SLC8A1: variants seen among roughly 807,000 people sequenced by gnomAD.
SLC8A1 encodes the protein solute carrier family 8 member A1, also known as sodium/calcium exchanger 1.
SLC8A1 carries 18 observed loss-of-function variants against 68.3 expected under a neutral mutation model. The observed-to-expected ratio is 0.26, with a 90% CI of 0.18 to 0.39. The LOEUF is 0.39. SLC8A1 is among the 10% of genes least tolerant of loss of function. The pLI is 1.00. For missense variants in SLC8A1, 985 were observed against 1,156.7 expected, an observed-to-expected ratio of 0.85 and a Z score of 2.15; for synonymous variants, 475 against 415.5, an observed-to-expected ratio of 1.14 and a Z score of -1.74.
chr2:40,314,477 T>G (rs1290857685), intron 2 of SLC8A1, among the ~76,000 whole-genome samples: 1 of 152,012 alleles, frequency 6.6e-6, no homozygotes, highest in Non-Finnish European at 1.5e-5. Context: ...TTAGCTATTT[T>G]AGGTCCTCTG....
chr2:40,284,661 A>AATATAAATATAT (rs2068030084), intron 2 of SLC8A1, among the ~76,000 whole-genome samples: 3 of 144,914 alleles, frequency 2.1e-5, no homozygotes, highest in Non-Finnish European at 3.0e-5. Context: ...TATAAATATA[A>AATATAAATATAT]ATATATATAT....
At chr2:40,396,580 T>C (rs1428333345) in intron 2 of SLC8A1, among the ~76,000 whole-genome samples, 2 of 151,840 alleles carry the variant, frequency 1.3e-5, no homozygotes, top group African/African-American at 4.8e-5. Flanking sequence ...GTACATAACC[T>C]GGAAAAACTA....
intron 2 of SLC8A1, among the ~76,000 whole-genome samples, chr2:40,253,108 TAC>T (rs1200780389): frequency 1.8e-5 from 2 of 109,856 alleles, no homozygotes; most frequent in East Asian, 2.7e-4. Context: ...TATACATATA[TAC>T]GTGTATACAT....
intron 7 of SLC8A1, chr2:40,118,513 A>G (rs1408942912): frequency 6.6e-6 from 1 of 152,042 alleles, no homozygotes; most frequent in African/African-American, 2.4e-5. Context: ...CTGGTGAGTA[A>G]AAGCAAAGCG....
At chr2:40,113,203 G>T (rs1572691343) in exon 8 of SLC8A1, 1 of 152,340 alleles carries the variant, frequency 6.6e-6, no homozygotes, top group Non-Finnish European at 1.5e-5. Context: ...AATGAGGAAG[G>T]ATCATGGTTA....
At chr2:40,253,498 G>A (rs2063338477) in intron 2 of SLC8A1, among the ~76,000 whole-genome samples, 1 of 151,938 alleles carries the variant, frequency 6.6e-6, no homozygotes, top group Non-Finnish European at 1.5e-5. Flanking sequence ...ATAAAAAAGT[G>A]GATTTCATGG....
chr2:40,125,810 T>C (rs928616970), intron 7 of SLC8A1, among the ~76,000 whole-genome samples: 1 of 152,210 alleles, frequency 6.6e-6, no homozygotes, highest in Admixed American at 6.5e-5. Flanking sequence ...GAATATGCCA[T>C]GAGCCTGATC....
chr2:40,235,961 G>C (rs1047269845), intron 2 of SLC8A1, among the ~76,000 whole-genome samples: 5 of 151,478 alleles, frequency 3.3e-5, no homozygotes, highest in Admixed American at 1.3e-4. Flanking sequence ...TGTGGTCTGA[G>C]AGATAGTTTG....
chr2:40,367,245 A>G (rs1469724510), intron 2 of SLC8A1, among the ~76,000 whole-genome samples: 1 of 151,914 alleles, frequency 6.6e-6, no homozygotes, highest in African/African-American at 2.4e-5. Flanking sequence ...CTCTGCTTCC[A>G]TTTGTCTCCT....
intron 1 of SLC8A1, among the ~76,000 whole-genome samples, chr2:40,491,392 A>G (rs976326016): frequency 2.6e-5 from 4 of 152,030 alleles, no homozygotes; most frequent in South Asian, 2.1e-4. Context: ...GGGCTGAGAC[A>G]ATGGGGTTTT....
chr2:40,291,968 C>T (rs2069416151), intron 2 of SLC8A1, among the ~76,000 whole-genome samples: 1 of 151,326 alleles, frequency 6.6e-6, no homozygotes, highest in Non-Finnish European at 1.5e-5. Context: ...ATTAAAAGCA[C>T]CTTTATAATC....
intron 2 of SLC8A1, among the ~76,000 whole-genome samples, chr2:40,214,353 C>G (rs1258243823): frequency 1.3e-5 from 2 of 152,212 alleles, no homozygotes; most frequent in East Asian, 3.9e-4. Context: ...CCGCAACTCT[C>G]CCCAAATATA....
chr2:40,233,567 G>A lies in SLC8A1; in HGVS notation c.1809-55712C>T, dbSNP rs1482668666. 1.1e-4 allele frequency among the ~76,000 whole-genome samples: 15 copies of A among 138,312 alleles called. No homozygotes were observed. The East Asian group carries it at 2.8e-3, about 25-fold the overall frequency. The allele number at this position is 138,312 out of a possible 152,430, so 90.7% of individuals were successfully genotyped here. A position where few individuals can be genotyped will look rare whatever the true frequency, so the allele number is the denominator to read the frequency against. ...AGGTTGCCTGTTCTCTCTGACGGTA[G>A]TTTCTTTTCCTGTGCAGAAGCTCTT... is the stretch of plus-strand genomic sequence containing the variant. On this transcript the variant is annotated intron_variant, in intron 2 of 7. Coordinates refer to ENST00000406785, the Ensembl canonical transcript of SLC8A1.
chr2:40,494,238 C>T (rs775751921), intron 1 of SLC8A1, among the ~76,000 whole-genome samples: 1 of 152,040 alleles, frequency 6.6e-6, no homozygotes, highest in Non-Finnish European at 1.5e-5. Flanking sequence ...TCTCCTCAAT[C>T]CAATAGCTTT....
chr2:40,470,912 C>T (rs940762963), intron 1 of SLC8A1, among the ~76,000 whole-genome samples: 4 of 152,152 alleles, frequency 2.6e-5, no homozygotes, highest in African/African-American at 4.8e-5. Flanking sequence ...ATCCTTGTCA[C>T]TTAAATGTAA....
chr2:40,510,708 TCTAA>T (rs1368232191), intron 1 of SLC8A1, among the ~76,000 whole-genome samples: 4 of 152,258 alleles, frequency 2.6e-5, no homozygotes, highest in Admixed American at 6.5e-5. Context: ...TCTCTCTCTT[TCTAA>T]CTCTCTCACA....
At chr2:40,359,195 CTT>C (rs1216392170) in intron 2 of SLC8A1, among the ~76,000 whole-genome samples, 2 of 152,086 alleles carry the variant, frequency 1.3e-5, no homozygotes, top group Non-Finnish European at 2.9e-5. Context: ...AAAATACACA[CTT>C]TATTTTGAAG....
At chr2:40,286,276 G>A (rs2068297395) in intron 2 of SLC8A1, among the ~76,000 whole-genome samples, 1 of 152,122 alleles carries the variant, frequency 6.6e-6, no homozygotes, top group African/African-American at 2.4e-5. Flanking sequence ...TTCACAGGAA[G>A]GCATCTTCTG....
chr2:40,257,351 G>C (rs933640782), intron 2 of SLC8A1, among the ~76,000 whole-genome samples: 22 of 151,284 alleles, frequency 1.5e-4, no homozygotes, highest in African/African-American at 5.1e-4. Flanking sequence ...TCCCAAATCA[G>C]AGGAAACCGA....
Sources: gnomAD v4.1 joint callset for allele counts (sites outside exome capture counted in the v4.1 genomes callset) on GRCh38, gnomAD v4.1.1 for gene constraint, MANE v1.5 for transcripts, NCBI Gene and HGNC (gene_info 2026-07-23, HGNC 2026-07-21) for gene names.